The following PDE1C variants were observed in gnomAD, a reference collection of about 807,000 sequenced individuals.
PDE1C encodes the protein dual specificity calcium/calmodulin-dependent 3',5'-cyclic nucleotide phosphodiesterase 1C.
In PDE1C, 62 loss-of-function variants were observed where a neutral mutation model predicts 93.1. The ratio of observed to expected loss-of-function variants is 0.67; its 90% CI spans 0.54 to 0.82. The LOEUF (loss-of-function observed/expected upper bound fraction) is 0.82. Among genes scored for constraint, PDE1C ranks in the 40% least tolerant of loss-of-function variants. PDE1C has a pLI of 0.00. For synonymous variants in PDE1C, 325 were observed against 310.1 expected (o/e 1.05, Z -0.50); for missense variants, 742 against 884.6 (o/e 0.84, Z 2.04).
intron 2 of PDE1C, among the ~76,000 whole-genome samples, chr7:32,189,297 A>T (rs978466005): frequency 3.3e-5 from 5 of 152,256 alleles, no homozygotes; most frequent in African/African-American, 1.2e-4. Flanking sequence ...ATCTGTTAGC[A>T]GTGAAATACA....
intron 1 of PDE1C, among the ~76,000 whole-genome samples, chr7:32,269,437 T>C (rs138264273): frequency 3.3e-4 from 47 of 144,124 alleles, no homozygotes; most frequent in African/African-American, 1.1e-3. Context: ...GTGTAGGATA[T>C]ATTTTTTTGA....
At chr7:32,089,084 C>A (rs2128743501) in intron 3 of PDE1C, among the ~76,000 whole-genome samples, 1 of 152,312 alleles carries the variant, frequency 6.6e-6, no homozygotes, top group Middle Eastern at 3.4e-3. Context: ...ATCACTGATA[C>A]TGAAAGGGCA....
At chr7:32,310,957 T>C (rs1393108077) in intron 1 of PDE1C, among the ~76,000 whole-genome samples, 2 of 152,082 alleles carry the variant, frequency 1.3e-5, no homozygotes, top group African/African-American at 4.8e-5. Context: ...AATTAATGAA[T>C]CCAGGAGCTG....
chr7:32,224,451 C>G (rs779942580), intron 1 of PDE1C, among the ~76,000 whole-genome samples: 5 of 152,114 alleles, frequency 3.3e-5, no homozygotes, highest in Non-Finnish European at 5.9e-5. Context: ...TACCAAACCT[C>G]TCTGAGTCAC....
chr7:32,234,170 A>C (rs1156739050), intron 1 of PDE1C, among the ~76,000 whole-genome samples: 5 of 152,034 alleles, frequency 3.3e-5, no homozygotes, highest in African/African-American at 1.2e-4. Flanking sequence ...AAAAAATTAT[A>C]ACATCAAATA....
chr7:31,657,451 G>T, the PDE1C span, among the ~76,000 whole-genome samples: 1 of 152,190 alleles, frequency 6.6e-6, no homozygotes, highest in African/African-American at 2.4e-5. Flanking sequence ...ACATTGCACT[G>T]TGCTAATTGC....
chr7:31,652,084 C>G, the PDE1C span: 2 of 1,396,272 alleles, frequency 1.4e-6, no homozygotes, highest in Admixed American at 3.9e-5. Flanking sequence ...TTGACTATAT[C>G]CAGCCTACCA....
chr7:32,237,734 G>T (rs1451199187), intron 1 of PDE1C, among the ~76,000 whole-genome samples: 3 of 112,750 alleles, frequency 2.7e-5, no homozygotes, highest in South Asian at 2.8e-4. Context: ...ATCCGCACTT[G>T]GCTCTGTGTA....
intron 3 of PDE1C, among the ~76,000 whole-genome samples, chr7:32,077,488 A>G (rs1796418100): frequency 6.6e-6 from 1 of 152,246 alleles, no homozygotes; most frequent in South Asian, 2.1e-4. Context: ...GACCTATCAA[A>G]TCATTGCTAT....
chr7:31,823,034 T>A (rs745561095), intron 14 of PDE1C, 39 bp downstream of exon 14: 1 of 1,517,980 alleles, frequency 6.6e-7, no homozygotes, highest in East Asian at 2.4e-5. Flanking sequence ...CAACCTTGTT[T>A]TATGCTGAAT....
chr7:32,370,655 G>A (rs1784314052), intron 1 of PDE1C, among the ~76,000 whole-genome samples: 1 of 151,830 alleles, frequency 6.6e-6, no homozygotes, highest in Admixed American at 6.6e-5. Flanking sequence ...GGGGAAGGGG[G>A]AGGGATAGCA....
In PDE1C at chr7:31,835,986, G is replaced by A. The variant is rs556555683; in HGVS notation, c.1203+1194C>T. On this transcript the variant is annotated intron_variant, in intron 11 of 17. Coordinates refer to ENST00000396191, the MANE Select transcript of PDE1C (RefSeq NM_001191057.4). ...CCCATCTCTTGTCAGTTTGCGGGAC[G>A]AAGTTGTGACTTGTGTTATTAAGCA... is the stretch of plus-strand genomic sequence containing the variant. Among the ~76,000 whole-genome samples, 87 of 152,338 alleles carry A rather than the reference G, an allele frequency of 5.7e-4. 2 individuals are homozygous for A. In the South Asian group the frequency reaches 0.017, roughly 29 times the overall value.
chr7:32,099,065 T>TG (rs1253708758), intron 3 of PDE1C, among the ~76,000 whole-genome samples: 2 of 152,176 alleles, frequency 1.3e-5, no homozygotes, highest in Non-Finnish European at 2.9e-5. Context: ...TTTAAAATGT[T>TG]GGGGGACAGC....
At chr7:31,802,393 A>G (rs910823471) in intron 16 of PDE1C, among the ~76,000 whole-genome samples, 1 of 151,426 alleles carries the variant, frequency 6.6e-6, no homozygotes, top group Non-Finnish European at 1.5e-5. Context: ...CATATATTTC[A>G]TTTTTGTATA....
At chr7:32,051,865 G>A (rs934964664) in intron 1 of PDE1C, among the ~76,000 whole-genome samples, 2 of 152,132 alleles carry the variant, frequency 1.3e-5, no homozygotes, top group Admixed American at 1.3e-4. Flanking sequence ...TGGCATTTTA[G>A]TTGAGGTCAG....
At chr7:31,661,775 G>A in the PDE1C span, among the ~76,000 whole-genome samples, 2 of 152,090 alleles carry the variant, frequency 1.3e-5, no homozygotes, top group African/African-American at 2.4e-5. Context: ...CTAAGTAAAA[G>A]TCAGTACTCC....
At chr7:31,642,191 G>A in the PDE1C span, 1 of 1,561,024 alleles carries the variant, frequency 6.4e-7, no homozygotes, top group South Asian at 1.2e-5. Context: ...AGGGTGGACA[G>A]AGCAAATAGC....
chr7:31,800,022 C>T (rs1420225922), intron 16 of PDE1C, among the ~76,000 whole-genome samples: 2 of 151,612 alleles, frequency 1.3e-5, no homozygotes, highest in African/African-American at 4.8e-5. Context: ...TTTTCACATC[C>T]TTAATGATGT....
At chr7:31,737,281 C>G in the PDE1C span, among the ~76,000 whole-genome samples, 2 of 151,956 alleles carry the variant, frequency 1.3e-5, no homozygotes, top group African/African-American at 4.8e-5. Flanking sequence ...ACCCCACCAA[C>G]TCTTCTAATT....
Sources: gnomAD v4.1 joint callset for allele counts (sites outside exome capture counted in the v4.1 genomes callset) on GRCh38, gnomAD v4.1.1 for gene constraint, MANE v1.5 for transcripts, NCBI Gene and HGNC (gene_info 2026-07-23, HGNC 2026-07-21) for gene names.